NELL2: variants seen among roughly 807,000 people sequenced by gnomAD.
NELL2 encodes protein kinase C-binding protein NELL2.
A neutral mutation model predicts 109.6 loss-of-function variants in NELL2; 41 were observed. That is an observed-to-expected ratio of 0.37 (90% confidence interval 0.29 to 0.49). The LOEUF (loss-of-function observed/expected upper bound fraction) is 0.49, where lower values mean the gene tolerates loss of function less well. Ranked by LOEUF, NELL2 falls within the 20% of genes least tolerant of loss-of-function variation. The pLI is 0.98. For synonymous variants in NELL2, 355 were observed against 344.7 expected, an observed-to-expected ratio of 1.03 and a Z score of -0.33; for missense variants, 900 against 1,008.3, an observed-to-expected ratio of 0.89 and a Z score of 1.45.
chr12:44,704,332 C>A (rs1209749382), intron 11 of NELL2, among the ~76,000 whole-genome samples: 2 of 131,380 alleles, frequency 1.5e-5, no homozygotes, highest in Non-Finnish European at 3.5e-5. Context: ...AAAAACAAAA[C>A]CTTTCTAAAT....
chr12:44,596,162 A>C (rs1481958269), intron 15 of NELL2, among the ~76,000 whole-genome samples: 1 of 152,238 alleles, frequency 6.6e-6, no homozygotes, highest in East Asian at 1.9e-4. Context: ...AGAGAAAAGA[A>C]CTGCATTTTA....
At chr12:44,721,495 T>C (rs1938768895) in intron 9 of NELL2, among the ~76,000 whole-genome samples, 1 of 152,216 alleles carries the variant, frequency 6.6e-6, no homozygotes, top group Non-Finnish European at 1.5e-5. Context: ...AGTTTACATA[T>C]TGTCACTTTC....
At chr12:44,712,997 T>C (rs186739603) in intron 10 of NELL2, among the ~76,000 whole-genome samples, 1 of 151,962 alleles carries the variant, frequency 6.6e-6, no homozygotes, top group East Asian at 1.9e-4. Context: ...CATTCACTCA[T>C]TTATCTAAAA....
At chr12:44,514,845 T>A (rs1414723492) in intron 19 of NELL2, among the ~76,000 whole-genome samples, 1 of 151,392 alleles carries the variant, frequency 6.6e-6, no homozygotes, top group East Asian at 1.9e-4. Context: ...ATTACTGTTT[T>A]AGCACAAAAG....
rs779821233 is a variant in NELL2 at position 44,523,437 on chromosome 12, T to C, written c.1852A>G (p.Ile618Val). 5.0e-6 allele frequency: 8 copies of C among 1,613,856 alleles called. No homozygotes were observed. The highest frequency in any genetic ancestry group is 1.7e-5 in the Admixed American group (1 of 59,984). ...TGRHSCANDTICFNLDGGYDC... is the reference protein window; with the variant it reads ...TGRHSCANDTVCFNLDGGYDC... ...TATCCGCCATCCAAATTGAAGCAAA[T>C]GGTATCATTGGCACAGCTGTGCCTC... is the stretch of plus-strand genomic sequence containing the variant. The change falls in exon 17 of 20, where the codon ATT (isoleucine) becomes GTT (valine). Residue 618 changes from isoleucine to valine, a missense_variant. By Grantham distance (29) the Ile-to-Val change is conservative. Transcript: ENST00000429094.
At chr12:44,601,603 A>G (rs1945224676) in intron 15 of NELL2, among the ~76,000 whole-genome samples, 1 of 152,106 alleles carries the variant, frequency 6.6e-6, no homozygotes, top group African/African-American at 2.4e-5. Flanking sequence ...TCTCCAGCTA[A>G]CTCAAGGATG....
chr12:44,622,947 A>G (rs969670414), intron 13 of NELL2, among the ~76,000 whole-genome samples: 1 of 152,112 alleles, frequency 6.6e-6, no homozygotes, highest in Non-Finnish European at 1.5e-5. Context: ...AAGCATATAA[A>G]AGTATCTTTT....
At chr12:44,519,301 TA>T (rs1565860238) in intron 19 of NELL2, among the ~76,000 whole-genome samples, 2 of 152,224 alleles carry the variant, frequency 1.3e-5, no homozygotes, top group Non-Finnish European at 2.9e-5. Flanking sequence ...TAAATTTTTG[TA>T]GAAATAATAA....
chr12:44,656,921 G>T (rs1056993163), intron 13 of NELL2, among the ~76,000 whole-genome samples: 1 of 152,146 alleles, frequency 6.6e-6, no homozygotes, highest in Admixed American at 6.5e-5. Context: ...TGGGGAAGAA[G>T]AATAAAAACA....
intron 13 of NELL2, among the ~76,000 whole-genome samples, chr12:44,627,721 C>T (rs142576952): frequency 4.2e-4 from 64 of 152,024 alleles, no homozygotes; most frequent in African/African-American, 1.4e-3. Context: ...AGTAGAATCA[C>T]CAAATTCCCA....
chr12:44,867,582 A>C (rs1374283675), intron 2 of NELL2, among the ~76,000 whole-genome samples: 1 of 152,216 alleles, frequency 6.6e-6, no homozygotes, highest in Non-Finnish European at 1.5e-5. Flanking sequence ...AAGGATGCCC[A>C]ATCTTGCCAC....
chr12:44,546,495 T>C (rs1372446826), intron 15 of NELL2, among the ~76,000 whole-genome samples: 2 of 152,272 alleles, frequency 1.3e-5, no homozygotes, highest in African/African-American at 4.8e-5. Flanking sequence ...GGGAAAAATA[T>C]ACCAACTGAG....
At chr12:44,914,538 A>C (rs1038483924), upstream of NELL2, among the ~76,000 whole-genome samples, 1 of 152,162 alleles carries the variant, frequency 6.6e-6, no homozygotes, top group Non-Finnish European at 1.5e-5. Context: ...TTTTCTACAT[A>C]GCAATTAAAA....
intron 12 of NELL2, among the ~76,000 whole-genome samples, chr12:44,686,134 A>C (rs1416708488): frequency 6.6e-6 from 1 of 151,882 alleles, no homozygotes; most frequent in Non-Finnish European, 1.5e-5. Flanking sequence ...CTTTTTCTCT[A>C]AACTTCCCTT....
intron 2 of NELL2, among the ~76,000 whole-genome samples, chr12:44,869,019 AAATTTT>A (rs1945089462): frequency 1.3e-5 from 2 of 152,218 alleles, no homozygotes; most frequent in African/African-American, 2.4e-5. Context: ...AAAAATAATT[AAATTTT>A]AAGTAACAAA....
chr12:44,917,001 G>T (rs1220426977), upstream of NELL2, among the ~76,000 whole-genome samples: 1 of 151,984 alleles, frequency 6.6e-6, no homozygotes, highest in African/African-American at 2.4e-5. Context: ...TTTTGGCCAG[G>T]ACATCTATTA....
chr12:44,647,688 CA>C (rs1422663564), intron 13 of NELL2, among the ~76,000 whole-genome samples: 4 of 152,008 alleles, frequency 2.6e-5, no homozygotes, highest in Non-Finnish European at 4.4e-5. Flanking sequence ...GAAACTTATA[CA>C]AGTGGGAGCT....
At chr12:44,891,298 A>C (rs1240797333) in intron 1 of NELL2, among the ~76,000 whole-genome samples, 1 of 152,212 alleles carries the variant, frequency 6.6e-6, no homozygotes, top group Non-Finnish European at 1.5e-5. Context: ...GGTCTGGACT[A>C]TACCAGTGAT....
At chr12:44,823,029 T>C (rs1943594940) in intron 2 of NELL2, among the ~76,000 whole-genome samples, 1 of 152,222 alleles carries the variant, frequency 6.6e-6, no homozygotes, top group African/African-American at 2.4e-5. Flanking sequence ...ATTATGTATA[T>C]GGTAGCAAAC....
Sources: gnomAD v4.1 joint callset for allele counts (sites outside exome capture counted in the v4.1 genomes callset) on GRCh38, gnomAD v4.1.1 for gene constraint, MANE v1.5 for transcripts, NCBI Gene and HGNC (gene_info 2026-07-23, HGNC 2026-07-21) for gene names.